Variants in STXBP5 observed in about 807,000 individuals in gnomAD.
STXBP5 encodes the protein syntaxin-binding protein 5.
In STXBP5, 50 loss-of-function variants were observed where a neutral mutation model predicts 152.4. The ratio of observed to expected loss-of-function variants is 0.33; its 90% CI spans 0.26 to 0.42. The LOEUF is 0.42. Ranked by LOEUF, STXBP5 falls within the 10% of genes least tolerant of loss-of-function variation. The pLI is 1.00. For synonymous variants in STXBP5, 492 were observed against 494.7 expected, an observed-to-expected ratio of 0.99 and a Z score of 0.07; for missense variants, 1,167 against 1,388.6, an observed-to-expected ratio of 0.84 and a Z score of 2.54.
At chr6:147,348,733 G>A (rs963910980) in intron 21 of STXBP5, among the ~76,000 whole-genome samples, 1 of 152,088 alleles carries the variant, frequency 6.6e-6, no homozygotes, top group African/African-American at 2.4e-5. Context: ...AAAGATTTAT[G>A]TACAACATTT....
chr6:147,325,356 C>T (rs1014854738), intron 17 of STXBP5, among the ~76,000 whole-genome samples: 11 of 152,264 alleles, frequency 7.2e-5, no homozygotes, highest in African/African-American at 2.4e-4. Flanking sequence ...AGTATATCCT[C>T]TCCTAAATAT....
At chr6:147,361,711 A>T (rs1037373637) in intron 23 of STXBP5, among the ~76,000 whole-genome samples, 22 of 152,178 alleles carry the variant, frequency 1.4e-4, no homozygotes, top group Non-Finnish European at 3.1e-4. Flanking sequence ...CCAGTTTTTT[A>T]AAAAATCTAC....
intron 15 of STXBP5, 87 bp downstream of exon 15, chr6:147,315,822 C>T: frequency 8.3e-7 from 1 of 1,203,322 alleles, no homozygotes; most frequent in East Asian, 2.4e-5. Flanking sequence ...TTTTTGCAGT[C>T]AGTTTTGTGC....
intron 9 of STXBP5, among the ~76,000 whole-genome samples, chr6:147,306,797 C>A (rs1041928619): frequency 2.0e-5 from 3 of 152,218 alleles, no homozygotes; most frequent in Non-Finnish European, 4.4e-5. Flanking sequence ...CCCAGCCCAA[C>A]TGCCATCCCT....
At chr6:147,212,185 T>C (rs1776891114) in intron 2 of STXBP5, among the ~76,000 whole-genome samples, 2 of 152,208 alleles carry the variant, frequency 1.3e-5, no homozygotes, top group Admixed American at 1.3e-4. Flanking sequence ...TATTTCGCAG[T>C]GGATTTCTTG....
At chr6:147,366,170 G>A (rs1216646179) in intron 25 of STXBP5, among the ~76,000 whole-genome samples, 2 of 152,162 alleles carry the variant, frequency 1.3e-5, no homozygotes, top group African/African-American at 4.8e-5. Flanking sequence ...GCTACAAAGA[G>A]AAAGAACCCT....
intron 2 of STXBP5, among the ~76,000 whole-genome samples, chr6:147,228,418 A>T (rs1290085860): frequency 2.6e-5 from 4 of 151,596 alleles, no homozygotes; most frequent in Non-Finnish European, 5.9e-5. Context: ...TTTTACCTGG[A>T]AGTCTGTAGG....
At chr6:147,319,358 C>G (rs1470713583) in intron 16 of STXBP5, among the ~76,000 whole-genome samples, 2 of 151,864 alleles carry the variant, frequency 1.3e-5, no homozygotes, top group African/African-American at 4.8e-5. Flanking sequence ...AAAAGTAAGT[C>G]CAAAATTGTA....
chr6:147,251,380 G>A (rs1400803514), intron 4 of STXBP5, among the ~76,000 whole-genome samples: 5 of 152,172 alleles, frequency 3.3e-5, no homozygotes, highest in East Asian at 1.9e-4. Flanking sequence ...GGCAGATACC[G>A]AGCTAGCTAC....
chr6:147,295,394 T>C (rs1370787838), intron 9 of STXBP5, among the ~76,000 whole-genome samples: 3 of 152,206 alleles, frequency 2.0e-5, no homozygotes, highest in Non-Finnish European at 4.4e-5. Context: ...AAAGCGAATA[T>C]TGGGTCCTTG....
intron 2 of STXBP5, among the ~76,000 whole-genome samples, chr6:147,228,863 T>TA (rs1682899009): frequency 1.3e-5 from 2 of 152,236 alleles, no homozygotes; most frequent in South Asian, 4.1e-4. Context: ...TAGTGAGAAA[T>TA]ACAAATGATT....
At chr6:147,323,639 AC>A (rs1410875728) in intron 16 of STXBP5, among the ~76,000 whole-genome samples, 4 of 152,036 alleles carry the variant, frequency 2.6e-5, no homozygotes, top group Non-Finnish European at 5.9e-5. Context: ...TGATCTGCCC[AC>A]CTCGGCCTCC....
intron 7 of STXBP5, among the ~76,000 whole-genome samples, chr6:147,271,025 T>A (rs1780138318): frequency 6.6e-6 from 1 of 152,148 alleles, no homozygotes; most frequent in South Asian, 2.1e-4. Context: ...ATTGAGATTT[T>A]AAAAATATTC....
At position 147,363,878 on chromosome 6, in the gene STXBP5, T is replaced by C. The variant is rs1054334782; in HGVS notation, c.2916-123T>C. On this transcript the variant is annotated intron_variant, in intron 24 of 27. Coordinates refer to ENST00000321680, the MANE Select transcript of STXBP5 (RefSeq NM_001127715.4). Reference sequence around the variant, plus strand: ...TGAGGAGTATAAACCATTTTTTATCTCCCACTCAAGTATACAAACTAAATC... The same window carrying C: ...TGAGGAGTATAAACCATTTTTTATCCCCCACTCAAGTATACAAACTAAATC... The C allele has an allele frequency of 5.9e-6, 8 of 1,363,330 alleles. No homozygotes were observed. The East Asian group carries it at 1.4e-4, about 24-fold the overall frequency. The allele number at this position is 1,363,330 out of a possible 1,614,324, so 84.5% of individuals were successfully genotyped here.
At chr6:147,208,701 AT>A (rs532416639) in intron 2 of STXBP5, among the ~76,000 whole-genome samples, 95 of 152,240 alleles carry the variant, frequency 6.2e-4, no homozygotes, top group African/African-American at 2.0e-3. Context: ...AGATTAGGCT[AT>A]TACAATTCCA....
Position 147,350,060 on chromosome 6 carries a change from A to G in STXBP5, c.2255-3263A>G, listed in dbSNP as rs555289222. Among the ~76,000 whole-genome samples, 3 of 152,318 alleles carry G rather than the reference A, an allele frequency of 2.0e-5. No individual in the cohort carries two copies. In the South Asian group the frequency reaches 6.2e-4, roughly 32 times the overall value. On this transcript the variant is annotated intron_variant, in intron 21 of 27. Coordinates refer to ENST00000321680, the MANE Select transcript of STXBP5 (RefSeq NM_001127715.4). ...TTTGGGAGAAAATAATAAATTGACT[A>G]TATTAAAATTTATATGACATTTATA...
chr6:147,217,992 T>C (rs1192751242), intron 2 of STXBP5, among the ~76,000 whole-genome samples: 2 of 152,220 alleles, frequency 1.3e-5, no homozygotes, highest in African/African-American at 4.8e-5. Flanking sequence ...TAATTTTGCC[T>C]ACTCTTATCA....
At chr6:147,272,547 G>C (rs1179139995) in intron 7 of STXBP5, among the ~76,000 whole-genome samples, 2 of 152,110 alleles carry the variant, frequency 1.3e-5, no homozygotes, top group Non-Finnish European at 2.9e-5. Context: ...TACAATTTCA[G>C]ATATTCAAGA....
In STXBP5 at chr6:147,326,831, C is replaced by T. The variant is rs180683989; in HGVS notation, c.1929-294C>T. Among the ~76,000 whole-genome samples, 925 of 152,206 alleles carry T rather than the reference C, an allele frequency of 6.1e-3. 4 individuals carry two copies. The highest frequency in any genetic ancestry group is 0.027 in the Middle Eastern group (8 of 294). On this transcript the variant is annotated intron_variant, in intron 17 of 27. Coordinates refer to ENST00000321680, the MANE Select transcript of STXBP5 (RefSeq NM_001127715.4). ...CCCCAAGGTAGAAAAATAGATGTTGCGTTGTGAGATGTGAGAGATTTATAT... is the reference window on the plus strand; with the variant it reads ...CCCCAAGGTAGAAAAATAGATGTTGTGTTGTGAGATGTGAGAGATTTATAT...
Sources: allele counts gnomAD v4.1 joint callset (sites outside exome capture counted in the v4.1 genomes callset), GRCh38; gene constraint gnomAD v4.1.1; transcripts MANE v1.5; gene names NCBI Gene and HGNC (gene_info 2026-07-23, HGNC 2026-07-21).